The following CDK8 variants were observed in gnomAD, a reference collection of about 807,000 sequenced individuals.
The protein encoded by CDK8 is cyclin dependent kinase 8.
In CDK8, 29 loss-of-function variants were observed where a neutral mutation model predicts 71.5. The observed-to-expected ratio is 0.41, with a 90% CI of 0.30 to 0.55. The LOEUF is 0.55. CDK8 is among the 20% of genes least tolerant of loss of function. The probability of loss-of-function intolerance (pLI) is 0.37; values close to 1 mark genes in which losing one functional copy is unlikely to be tolerated. For missense variants in CDK8, 288 were observed against 572.6 expected (o/e 0.50, Z 5.07); for synonymous variants, 161 against 192.1 (o/e 0.84, Z 1.34).
chr13:26,259,806 G>T (rs1871690897), intron 1 of CDK8, among the ~76,000 whole-genome samples: 1 of 152,114 alleles, frequency 6.6e-6, no homozygotes, highest in African/African-American at 2.4e-5. Context: ...GTATTTATTG[G>T]ACCCTTCTAT....
At chr13:26,288,124 G>A (rs531803160) in intron 1 of CDK8, among the ~76,000 whole-genome samples, 2 of 151,986 alleles carry the variant, frequency 1.3e-5, no homozygotes, top group Non-Finnish European at 2.9e-5. Flanking sequence ...CACCATGCCC[G>A]GCTAATTTTT....
rs1448119975 is a variant in CDK8 at position 26,400,251 on chromosome 13, G to A, written c.934-202G>A. The A allele has an allele frequency of 1.7e-5, 9 of 521,044 alleles. No homozygotes were observed. In the East Asian group the frequency reaches 2.3e-4, roughly 13 times the overall value. 32.3% of individuals were successfully genotyped at this position (521,044 alleles called of 1,614,324 possible). A position where few individuals can be genotyped will look rare whatever the true frequency, so the allele number is the denominator to read the frequency against. On this transcript the variant is annotated intron_variant, in intron 9 of 12. Transcript: ENST00000381527. Reference sequence around the variant, plus strand: ...GAGAACATAAGCAAGAGTAAAACAAGTGAGATTATGAAACTGGAATGACTA... The same window carrying A: ...GAGAACATAAGCAAGAGTAAAACAAATGAGATTATGAAACTGGAATGACTA...
At chr13:26,382,308 TTGAC>T (rs1452012161) in intron 4 of CDK8, among the ~76,000 whole-genome samples, 1 of 152,238 alleles carries the variant, frequency 6.6e-6, no homozygotes, top group Non-Finnish European at 1.5e-5. Flanking sequence ...TTCCTATTAC[TTGAC>T]TAACTTGTTT....
intron 1 of CDK8, among the ~76,000 whole-genome samples, chr13:26,256,518 A>C (rs1320674797): frequency 6.6e-6 from 1 of 152,216 alleles, no homozygotes; most frequent in Non-Finnish European, 1.5e-5. Flanking sequence ...CTGTTTTCAT[A>C]AATTACCAAT....
At chr13:26,347,106 G>T (rs1201050324) in intron 2 of CDK8, among the ~76,000 whole-genome samples, 1 of 152,056 alleles carries the variant, frequency 6.6e-6, no homozygotes, top group African/African-American at 2.4e-5. Context: ...TGCTTGGCAG[G>T]GTTAGGGGTG....
chr13:26,333,385 C>CA (rs1872844719), intron 1 of CDK8, among the ~76,000 whole-genome samples: 2 of 152,150 alleles, frequency 1.3e-5, no homozygotes, highest in Non-Finnish European at 2.9e-5. Context: ...GGTGATCTGC[C>CA]TGCCTTGGCC....
At chr13:26,290,598 T>G (rs1382971040) in intron 1 of CDK8, among the ~76,000 whole-genome samples, 4 of 152,144 alleles carry the variant, frequency 2.6e-5, no homozygotes, top group Admixed American at 6.5e-5. Flanking sequence ...TTCTCCTGGG[T>G]TCCTATGAAT....
chr13:26,288,923 G>T (rs1464657116), intron 1 of CDK8, among the ~76,000 whole-genome samples: 1 of 151,696 alleles, frequency 6.6e-6, no homozygotes, highest in Non-Finnish European at 1.5e-5. Context: ...GGCTAATTTT[G>T]TACTTAAGGT....
intron 1 of CDK8, among the ~76,000 whole-genome samples, chr13:26,301,985 T>C (rs1351181143): frequency 6.6e-6 from 1 of 152,222 alleles, no homozygotes; most frequent in Non-Finnish European, 1.5e-5. Flanking sequence ...ATTTCTGACT[T>C]AAAATGGTTC....
At chr13:26,269,724 G>A (rs1451269618) in intron 1 of CDK8, among the ~76,000 whole-genome samples, 2 of 152,032 alleles carry the variant, frequency 1.3e-5, no homozygotes, top group African/African-American at 4.8e-5. Flanking sequence ...TTGAGTAACT[G>A]GACTCACTGA....
At chr13:26,369,548 T>TGA (rs1874558221) in intron 4 of CDK8, among the ~76,000 whole-genome samples, 1 of 135,970 alleles carries the variant, frequency 7.4e-6, no homozygotes, top group South Asian at 2.5e-4. Flanking sequence ...TTTTTTTTTT[T>TGA]GAGACAGTCT....
chr13:26,289,849 C>T (rs980155660), intron 1 of CDK8, among the ~76,000 whole-genome samples: 3 of 152,114 alleles, frequency 2.0e-5, no homozygotes, highest in Non-Finnish European at 4.4e-5. Flanking sequence ...GGTGCCCGGC[C>T]GAAATTTGCT....
chr13:26,389,928 G>A (rs2138057783), intron 6 of CDK8, among the ~76,000 whole-genome samples: 1 of 152,268 alleles, frequency 6.6e-6, no homozygotes, highest in East Asian at 1.9e-4. Context: ...AACCTGAGAG[G>A]CGGAGGTTGC....
intron 4 of CDK8, among the ~76,000 whole-genome samples, chr13:26,380,862 C>G (rs1178634552): frequency 6.6e-6 from 1 of 152,178 alleles, no homozygotes; most frequent in Non-Finnish European, 1.5e-5. Flanking sequence ...CTCTATCGCT[C>G]TACAGTTTTA....
At chr13:26,328,990 T>C (rs1315325832) in intron 1 of CDK8, among the ~76,000 whole-genome samples, 1 of 152,236 alleles carries the variant, frequency 6.6e-6, no homozygotes, top group African/African-American at 2.4e-5. Flanking sequence ...GTAAGTCTAA[T>C]TGGTTCTTGG....
At chr13:26,270,345 C>T (rs987563404) in intron 1 of CDK8, among the ~76,000 whole-genome samples, 7 of 151,008 alleles carry the variant, frequency 4.6e-5, no homozygotes, top group Non-Finnish European at 7.4e-5. Context: ...GCCAAGATCA[C>T]GCCATTGCAC....
intron 1 of CDK8, among the ~76,000 whole-genome samples, chr13:26,320,597 A>G (rs1874730567): frequency 6.6e-6 from 1 of 152,214 alleles, no homozygotes; most frequent in East Asian, 1.9e-4. Context: ...GGCAACTAAC[A>G]GAATGGGAGA....
At chr13:26,389,882 C>T (rs1875664863) in intron 6 of CDK8, among the ~76,000 whole-genome samples, 1 of 152,034 alleles carries the variant, frequency 6.6e-6, no homozygotes, top group Non-Finnish European at 1.5e-5. Context: ...CCTGTAATCC[C>T]AGCTGCTCAG....
At chr13:26,311,175 C>G (rs1039266551) in intron 1 of CDK8, among the ~76,000 whole-genome samples, 4 of 151,424 alleles carry the variant, frequency 2.6e-5, no homozygotes, top group African/African-American at 9.7e-5. Flanking sequence ...GTATATTTTA[C>G]TGAAAAAAAA....
Sources: allele counts gnomAD v4.1 joint callset (sites outside exome capture counted in the v4.1 genomes callset), GRCh38; gene constraint gnomAD v4.1.1; transcripts MANE v1.5; gene names NCBI Gene and HGNC (gene_info 2026-07-23, HGNC 2026-07-21).